B9D1: variants seen among roughly 807,000 people sequenced by gnomAD.
The protein encoded by B9D1 is B9 domain-containing protein 1.
A neutral mutation model predicts 26.1 loss-of-function variants in B9D1; 20 were observed. The ratio of observed to expected loss-of-function variants is 0.77; its 90% CI spans 0.54 to 1.12. The LOEUF is 1.12. Ranked by LOEUF, B9D1 falls within the 50% of genes most tolerant of loss-of-function variation. B9D1 has a pLI of 0.00. For missense variants in B9D1, 260 were observed against 273.7 expected, an observed-to-expected ratio of 0.95 and a Z score of 0.35; for synonymous variants, 105 against 103.1, an observed-to-expected ratio of 1.02 and a Z score of -0.11.
At chr17:19,337,750 T>G (rs1907569612), downstream of B9D1, 2 of 1,534,494 alleles carry the variant, frequency 1.3e-6, no homozygotes, top group Admixed American at 3.9e-5. Context: ...TGAAGGTGGC[T>G]ATGAAGGGAA....
chr17:19,342,968 A>T, downstream of B9D1: 1 of 649,012 alleles, frequency 1.5e-6, no homozygotes, highest in South Asian at 3.1e-5. Flanking sequence ...AGAAAAGGCC[A>T]CACAGCTTTG....
intron 3 of B9D1, among the ~76,000 whole-genome samples, chr17:19,352,458 C>T (rs1909740187): frequency 6.6e-6 from 1 of 151,784 alleles, no homozygotes; most frequent in Non-Finnish European, 1.5e-5. Flanking sequence ...GATTCTCCTG[C>T]CTCACTCAGC....
intron 5 of B9D1, chr17:19,346,929 T>C: frequency 6.9e-7 from 1 of 1,458,012 alleles, no homozygotes. Context: ...TGTTCCAAGG[T>C]GTCTGACTCA....
chr17:19,341,189 G>C (rs1170828493), downstream of B9D1: 7 of 1,231,522 alleles, frequency 5.7e-6, no homozygotes, highest in Non-Finnish European at 7.1e-6. Context: ...GACAAATGGG[G>C]CCTGAGGCTT....
At chr17:19,360,037 G>T (rs1308378729) in intron 2 of B9D1, among the ~76,000 whole-genome samples, 1 of 152,196 alleles carries the variant, frequency 6.6e-6, no homozygotes. Context: ...CCACGTCCAG[G>T]CTGGCTCACT....
rs948824505 is a variant in B9D1 at position 19,372,912 on chromosome 17, C to G, written c.-298+4947G>C. On this transcript the variant is annotated intron_variant, in intron 1 of 5. Transcript: ENST00000477478. The surrounding 1 kb of genome is among the most constrained non-coding windows in gnomAD (Gnocchi z 4.4). ...GCAGAGGGGTGCGAACAGTTGGGCA[C>G]ATCTATTATTTCTGCTGACCCACGT... Among the ~76,000 whole-genome samples the G allele has an allele frequency of 6.6e-6, 1 of 152,204 alleles. No homozygotes were observed. Among genetic ancestry groups the G allele is most frequent in the African/African-American group, 2.4e-5 (1 of 41,454 alleles).
At chr17:19,341,274 G>A, downstream of B9D1, 2 of 1,231,930 alleles carry the variant, frequency 1.6e-6, no homozygotes, top group South Asian at 8.2e-5. Flanking sequence ...CCAGTGCCCT[G>A]GGTGAGGTGA....
In B9D1 at chr17:19,346,919, T is replaced by G. The variant is rs921337784; in HGVS notation, c.404+350A>C. The G allele has an allele frequency of 4.2e-6, 6 of 1,443,686 alleles. No homozygotes were observed. In the Admixed American group the frequency reaches 8.0e-5, roughly 19 times the overall value. 89.4% of individuals were successfully genotyped at this position (1,443,686 alleles called of 1,614,324 possible). On this transcript the variant is annotated intron_variant, in intron 5 of 6. Coordinates refer to ENST00000261499, the MANE Select transcript of B9D1 (RefSeq NM_015681.6). ...ATGTAAAGGCATTTATCATGATTAC[T>G]GTTCCAAGGTGTCTGACTCATACTG... is the stretch of plus-strand genomic sequence containing the variant.
downstream of B9D1, among the ~76,000 whole-genome samples, chr17:19,342,619 CAACCTCA>C (rs551261602): frequency 1.1e-3 from 172 of 152,280 alleles, no homozygotes; most frequent in African/African-American, 4.0e-3. Flanking sequence ...AGGGCCTGGA[CAACCTCA>C]GAGGTCAGGG....
chr17:19,362,817 C>T (rs1911320431), upstream of B9D1: 6 of 1,151,628 alleles, frequency 5.2e-6, no homozygotes, highest in Non-Finnish European at 6.1e-6. Context: ...GCAGGTATGA[C>T]CGAGAGCTGG....
intron 5 of B9D1, among the ~76,000 whole-genome samples, chr17:19,346,178 T>C (rs1041792436): frequency 6.6e-6 from 1 of 152,168 alleles, no homozygotes; most frequent in African/African-American, 2.4e-5. Context: ...ATGGGGATTG[T>C]CACCTCCAGG....
At chr17:19,335,626 G>C, downstream of B9D1, 1 of 553,806 alleles carries the variant, frequency 1.8e-6, no homozygotes, top group Non-Finnish European at 2.9e-6. Context: ...GGGGTGGGGG[G>C]CTAAGGGACC....
At chr17:19,350,588 G>A (rs1385154365) in intron 3 of B9D1, among the ~76,000 whole-genome samples, 2 of 151,992 alleles carry the variant, frequency 1.3e-5, no homozygotes, top group Admixed American at 6.6e-5. Flanking sequence ...GGGCATGGTG[G>A]TGCATGCCTG....
Position 19,343,801 on chromosome 17 carries a change from T to C in B9D1, c.461A>G (p.Glu154Gly). ...GGAGGGAGCTTTACCTTCCCGGCCTTCACCCTGAGCCACCACCTTGGGGTC... is the reference window on the plus strand; with the variant it reads ...GGAGGGAGCTTTACCTTCCCGGCCTCCACCCTGAGCCACCACCTTGGGGTC... ...YTDPKVVAQG[E>G]GREVTRVRSQ... Residue 154 changes from glutamate (E) to glycine (G), a missense_variant, in exon 6 of 7, where the codon GAA (glutamate) becomes GGA (glycine). Coordinates refer to ENST00000261499, the MANE Select transcript of B9D1 (RefSeq NM_015681.6). 1.2e-6 allele frequency: 2 copies of C among 1,614,042 alleles called. No homozygotes were observed. The highest frequency in any genetic ancestry group is 2.2e-5 in the East Asian group (1 of 44,838).
downstream of B9D1, among the ~76,000 whole-genome samples, chr17:19,339,817 G>C (rs1175223309): frequency 1.3e-5 from 2 of 152,198 alleles, no homozygotes; most frequent in Admixed American, 6.5e-5. Flanking sequence ...CAGTGGTGAA[G>C]ATCCTTTTCA....
chr17:19,367,136 T>C (rs1045154860), upstream of B9D1, among the ~76,000 whole-genome samples: 4 of 152,020 alleles, frequency 2.6e-5, no homozygotes, highest in Non-Finnish European at 5.9e-5. Context: ...CCAGTGACGG[T>C]AGATAAAGTA....
At chr17:19,346,000 C>T (rs1761403387) in intron 5 of B9D1, among the ~76,000 whole-genome samples, 1 of 152,210 alleles carries the variant, frequency 6.6e-6, no homozygotes, top group Admixed American at 6.5e-5. Flanking sequence ...GCTGTGAAAC[C>T]CTTTCCTCAG....
intron 3 of B9D1, among the ~76,000 whole-genome samples, chr17:19,351,987 A>G (rs8069885): frequency 0.97 from 147,268 of 152,212 alleles, 71,505 homozygotes; most frequent in African/African-American, 0.99. Context: ...CTAGGCTCAA[A>G]CAATCCTCCC....
intron 3 of B9D1, among the ~76,000 whole-genome samples, chr17:19,352,982 C>CT (rs936160102): frequency 1.2e-3 from 166 of 142,286 alleles, no homozygotes; most frequent in Admixed American, 4.7e-3. Context: ...TTTACTACTT[C>CT]TTTTTTTTTT....
Sources: gnomAD v4.1 joint callset for allele counts (sites outside exome capture counted in the v4.1 genomes callset) on GRCh38, gnomAD v4.1.1 for gene constraint, Gnocchi (gnomAD v3.1) non-coding constraint, MANE v1.5 for transcripts, NCBI Gene and HGNC (gene_info 2026-07-23, HGNC 2026-07-21) for gene names.